The following SLC9A3 variants were observed in gnomAD, a reference collection of about 807,000 sequenced individuals.
SLC9A3 encodes the protein sodium/hydrogen exchanger 3.
SLC9A3 carries 37 observed loss-of-function variants against 86.8 expected under a neutral mutation model. The observed-to-expected ratio is 0.43, with a 90% CI of 0.33 to 0.56. The LOEUF is 0.56. SLC9A3 is among the 20% of genes least tolerant of loss of function. The pLI, the probability that SLC9A3 is intolerant of heterozygous loss-of-function variation, is 0.06. For synonymous variants in SLC9A3, 581 were observed against 528.3 expected (o/e 1.10, Z -1.37); for missense variants, 1,011 against 1,171.9 (o/e 0.86, Z 2.00).
At chr5:515,360 T>C (rs1733699182) in intron 1 of SLC9A3, among the ~76,000 whole-genome samples, 1 of 151,460 alleles carries the variant, frequency 6.6e-6, no homozygotes, top group Non-Finnish European at 1.5e-5. Context: ...CGGGAACCCC[T>C]TGGGCACCCT....
intron 1 of SLC9A3, among the ~76,000 whole-genome samples, chr5:510,140 G>A (rs369033866): frequency 1.5e-3 from 228 of 152,380 alleles, no homozygotes; most frequent in African/African-American, 5.3e-3. Flanking sequence ...CTGGCGGAGC[G>A]CGGCAGCTTG....
chr5:488,070 CATT>C (rs1306338204), intron 3 of SLC9A3, among the ~76,000 whole-genome samples: 2 of 152,262 alleles, frequency 1.3e-5, no homozygotes, highest in Non-Finnish European at 2.9e-5. Flanking sequence ...ACAGCGCCAT[CATT>C]AACCCTGAAG....
rs1738401041 is a variant in SLC9A3, at chr5:472,275, G to A, written c.*1104C>T. The A allele has an allele frequency of 8.5e-6, 3 of 351,134 alleles. No homozygotes were observed. The highest frequency in any genetic ancestry group is 1.7e-5 in the Non-Finnish European group (3 of 178,188). 21.8% of individuals were successfully genotyped at this position (351,134 alleles called of 1,614,324 possible). On this transcript the variant is annotated 3_prime_UTR_variant, in exon 17 of 17. Coordinates refer to ENST00000264938, the MANE Select transcript of SLC9A3 (RefSeq NM_004174.4). The stretch of plus-strand genomic sequence containing the variant: ...CTGGAAGGGGTGGGAAGGGTCAGGG[G>A]TCCGGGGTCTAGGACAGGCTCAGGG...
intron 2 of SLC9A3, among the ~76,000 whole-genome samples, chr5:489,198 G>A (rs544438596): frequency 1.3e-5 from 2 of 152,324 alleles, no homozygotes; most frequent in Non-Finnish European, 2.9e-5. Context: ...GTGGCCCCGA[G>A]AGTCTGCCCT....
intron 8 of SLC9A3, 97 bp from the exon 9 acceptor site, chr5:481,732 C>A (rs1739179455): frequency 3.0e-6 from 3 of 990,002 alleles, no homozygotes; most frequent in African/African-American, 1.8e-5. Flanking sequence ...AACCCACCAG[C>A]CCCCCTCACC....
intron 1 of SLC9A3, among the ~76,000 whole-genome samples, chr5:498,180 G>A (rs539495150): frequency 2.0e-5 from 3 of 152,282 alleles, no homozygotes; most frequent in East Asian, 1.9e-4. Flanking sequence ...GTCTCGGTCC[G>A]ACGCTGAGGG....
intron 12 of SLC9A3, 40 bp downstream of exon 12, chr5:476,502 GT>G: frequency 1.2e-6 from 2 of 1,605,034 alleles, no homozygotes; most frequent in Non-Finnish European, 1.7e-6. Flanking sequence ...GCCCCACGGG[GT>G]CCCTGCGGGG....
At chr5:482,801 G>GCTCCCAGCCCCTCC (rs1560954927) in intron 6 of SLC9A3, 51 bp from the exon 7 acceptor site, 6 of 1,451,910 alleles carry the variant, frequency 4.1e-6, no homozygotes, top group Non-Finnish European at 5.7e-6. Flanking sequence ...TCCCAGCCGC[G>GCTCCCAGCCCCTCC]GGACCCCAGC....
Position 524,275 on chromosome 5 carries a change from C to A in SLC9A3, c.48G>T (p.Ala16=), listed in dbSNP as rs1271165348. 2.2e-6 allele frequency: 3 copies of A among 1,354,880 alleles called. No homozygotes were observed. The highest frequency in any genetic ancestry group is 1.9e-5 in the South Asian group (1 of 52,696). 83.9% of individuals were successfully genotyped at this position (1,354,880 alleles called of 1,614,324 possible). ...ARGPDRGLLL[A]LALGGLARAG... is the part of the protein sequence containing the mutation. ...CCCGCGCCAGCCCGCCCAGCGCCAG[C>A]GCCAGCAGCAGCCCCCGGTCGGGGC... is the stretch of plus-strand genomic sequence containing the variant. Residue 16 remains alanine, a synonymous_variant, in exon 1 of 17, where the codon GCG becomes GCT. Transcript: ENST00000264938.
intron 1 of SLC9A3, among the ~76,000 whole-genome samples, chr5:520,587 C>A (rs1467067210): frequency 6.6e-6 from 1 of 152,138 alleles, no homozygotes; most frequent in African/African-American, 2.4e-5. Context: ...CATGGCCAGG[C>A]AGTCGTCTGA....
chr5:473,411 G>A (rs1392413940), intron 16 of SLC9A3, 29 bp from the exon 17 acceptor site: 1 of 1,387,074 alleles, frequency 7.2e-7, no homozygotes. Context: ...TGAGCGGCGC[G>A]CGGAGCCCGG....
intron 16 of SLC9A3, among the ~76,000 whole-genome samples, chr5:473,681 A>C (rs74579320): frequency 6.6e-6 from 1 of 152,156 alleles, no homozygotes; most frequent in Non-Finnish European, 1.5e-5. Context: ...CGGGAGGTCA[A>C]GGTCCCCAAG....
In SLC9A3 at chr5:474,945, G is replaced by A. The variant is rs1255703012; in HGVS notation, c.2439C>T (p.Ser813=). The change falls in exon 16 of 17, where the codon TCC becomes TCT. Residue 813 remains serine (S), a synonymous_variant. Transcript: ENST00000264938. ...CCTCGGGGCCGTCTGCCTGCAGGAA[G>A]GAGTCCACGGACTTGCTGCTGAGGC... is the stretch of plus-strand genomic sequence containing the variant. ...PFRLSSKSVD[S]FLQADGPEER... The A allele has an allele frequency of 1.9e-6, 3 of 1,607,998 alleles. No individual in the cohort carries two copies. Among genetic ancestry groups the A allele is most frequent in the Admixed American group, 1.7e-5 (1 of 58,976 alleles).
chr5:502,911 G>A (rs567449969), intron 1 of SLC9A3, among the ~76,000 whole-genome samples: 2 of 152,060 alleles, frequency 1.3e-5, no homozygotes, highest in Non-Finnish European at 2.9e-5. Flanking sequence ...GAAAGCCGCC[G>A]TAACGACACA....
chr5:513,203 T>G (rs1733620887), intron 1 of SLC9A3, among the ~76,000 whole-genome samples: 1 of 151,220 alleles, frequency 6.6e-6, no homozygotes, highest in Non-Finnish European at 1.5e-5. Flanking sequence ...AAGCCAGGGG[T>G]GCTTTTGGAA....
Position 512,504 on chromosome 5 carries a change from CTTAA to C in SLC9A3, c.211+11604_211+11607del, listed in dbSNP as rs139202214. Among the ~76,000 whole-genome samples the C allele has an allele frequency of 4.9e-3, 740 of 151,550 alleles. 11 individuals are homozygous for C. The highest frequency in any genetic ancestry group is 0.017 in the African/African-American group (702 of 41,178). On this transcript the variant is annotated intron_variant, in intron 1 of 16. Transcript: ENST00000264938. The stretch of plus-strand genomic sequence containing the variant: ...ATGAGCCCTAATATAAACTGTGGAC[CTTAA>C]TTAATAATAATGTATCAAGAGTGGC...
intron 1 of SLC9A3, among the ~76,000 whole-genome samples, chr5:507,149 G>A (rs1740622096): frequency 8.5e-6 from 1 of 117,080 alleles, no homozygotes; most frequent in Non-Finnish European, 1.8e-5. Context: ...TAAGAAGGAG[G>A]GATCCGGCTG....
intron 1 of SLC9A3, among the ~76,000 whole-genome samples, chr5:506,835 A>G (rs1326322298): frequency 6.6e-6 from 1 of 151,924 alleles, no homozygotes; most frequent in Non-Finnish European, 1.5e-5. Context: ...TGGGAGGCCA[A>G]GGTGGGTGGA....
At chr5:508,180 G>A (rs1234274118) in intron 1 of SLC9A3, among the ~76,000 whole-genome samples, 2 of 152,080 alleles carry the variant, frequency 1.3e-5, no homozygotes, top group African/African-American at 2.4e-5. Flanking sequence ...TGGAGATGCC[G>A]CAGGGAGACG....
Sources: gnomAD v4.1 joint callset for allele counts (sites outside exome capture counted in the v4.1 genomes callset) on GRCh38, gnomAD v4.1.1 for gene constraint, MANE v1.5 for transcripts, NCBI Gene and HGNC (gene_info 2026-07-23, HGNC 2026-07-21) for gene names.